Variants in TEX26 observed in about 807,000 individuals in gnomAD.
The protein encoded by TEX26 is testis-expressed protein 26.
A neutral mutation model predicts 35.3 loss-of-function variants in TEX26; 34 were observed. That is an observed-to-expected ratio of 0.96 (90% confidence interval 0.73 to 1.28). TEX26 has a LOEUF of 1.28. Ranked by LOEUF, TEX26 falls within the 50% of genes most tolerant of loss-of-function variation. The probability of loss-of-function intolerance (pLI) is 0.00; values close to 1 mark genes in which losing one functional copy is unlikely to be tolerated. For missense variants in TEX26, 371 were observed against 330.1 expected (o/e 1.12, Z -0.96); for synonymous variants, 136 against 111.8 (o/e 1.22, Z -1.36).
At chr13:30,943,740 T>G (rs1953600738) in intron 2 of TEX26, among the ~76,000 whole-genome samples, 3 of 152,130 alleles carry the variant, frequency 2.0e-5, no homozygotes, top group Non-Finnish European at 4.4e-5. Flanking sequence ...TTTTTGTTTT[T>G]TGATTCCGTT....
At chr13:30,939,953 C>G (rs1451463270) in intron 2 of TEX26, among the ~76,000 whole-genome samples, 175 bp downstream of exon 2, 5 of 152,172 alleles carry the variant, frequency 3.3e-5, no homozygotes, top group Admixed American at 3.3e-4. Flanking sequence ...CCCTTCCCCT[C>G]AAACAGTATC....
In TEX26 at chr13:30,966,242, T is replaced by A. The variant is rs999098875; in HGVS notation, c.490T>A (p.Ser164Thr). 1.2e-6 allele frequency: 2 copies of A among 1,613,842 alleles called. No homozygotes were observed. The highest frequency in any genetic ancestry group is 2.7e-5 in the African/African-American group (2 of 74,846). ...CCCAGCTCAGAAGATTAAGAAAAGTTCTCACTTGTCTCTGGAATGGAAAAA... is the reference window on the plus strand; with the variant it reads ...CCCAGCTCAGAAGATTAAGAAAAGTACTCACTTGTCTCTGGAATGGAAAAA... ...RSKAQKIKKSSHLSLEWKKLL... is the reference protein window; with the variant it reads ...RSKAQKIKKSTHLSLEWKKLL... Residue 164 changes from serine (S) to threonine (T), a missense_variant, in exon 5 of 7, where the codon TCT becomes ACT. Coordinates refer to ENST00000380473, the MANE Select transcript of TEX26 (RefSeq NM_152325.3).
At chr13:30,974,132 ATATAT>A (rs1261467370) in intron 6 of TEX26, among the ~76,000 whole-genome samples, 45 of 24,956 alleles carry the variant, frequency 1.8e-3, no homozygotes, top group Admixed American at 2.7e-3. Flanking sequence ...AAAAAAAAAA[ATATAT>A]ATATATATAT....
chr13:30,971,239 C>A (rs1954701567), intron 6 of TEX26, among the ~76,000 whole-genome samples: 1 of 152,206 alleles, frequency 6.6e-6, no homozygotes, highest in Non-Finnish European at 1.5e-5. Context: ...GGCACTGATG[C>A]TTTTCAGCTG....
At position 30,939,678 on chromosome 13, in the gene TEX26, T is replaced by C. The variant is rs1227809898; in HGVS notation, c.62-16T>C. ...TCTGGTTTGCCATATTTAAAACTGC[T>C]TTATTGTACTTTTAGCAGATGACCC... On this transcript the variant is annotated splice_polypyrimidine_tract_variant and intron_variant, in intron 1 of 6. Coordinates refer to ENST00000380473, the MANE Select transcript of TEX26 (RefSeq NM_152325.3). 3 of 1,607,032 alleles carry C rather than the reference T, an allele frequency of 1.9e-6. No homozygotes were observed. The highest frequency in any genetic ancestry group is 2.6e-6 in the Non-Finnish European group (3 of 1,173,734).
At chr13:30,941,163 G>T (rs1168732948) in intron 2 of TEX26, among the ~76,000 whole-genome samples, 2 of 152,112 alleles carry the variant, frequency 1.3e-5, no homozygotes, top group African/African-American at 4.8e-5. Context: ...GCTGTTCTGA[G>T]GACACAAAGC....
chr13:30,943,037 T>C (rs1384080358), intron 2 of TEX26, among the ~76,000 whole-genome samples: 1 of 152,124 alleles, frequency 6.6e-6, no homozygotes, highest in Admixed American at 6.6e-5. Context: ...ATGATGTTGG[T>C]ATTTTGATAA....
chr13:30,936,944 C>G, intron 1 of TEX26: 1 of 985,400 alleles, frequency 1.0e-6, no homozygotes, highest in Non-Finnish European at 1.2e-6. Flanking sequence ...CAATGGCATA[C>G]TGTACTTTCA....
intron 1 of TEX26, chr13:30,936,595 G>A (rs1953281051): frequency 1.3e-6 from 1 of 783,764 alleles, no homozygotes; most frequent in African/African-American, 1.9e-5. Context: ...TGACACATAG[G>A]ACATCAGCAC....
At chr13:30,937,820 T>C (rs558526305) in intron 1 of TEX26, among the ~76,000 whole-genome samples, 1 of 152,224 alleles carries the variant, frequency 6.6e-6, no homozygotes, top group South Asian at 2.1e-4. Flanking sequence ...GCACAGGTAA[T>C]AGTTGCAGAT....
intron 4 of TEX26, among the ~76,000 whole-genome samples, chr13:30,959,055 C>A (rs1410239245): frequency 6.6e-6 from 1 of 152,128 alleles, no homozygotes; most frequent in African/African-American, 2.4e-5. Flanking sequence ...GGATTTGAAC[C>A]CAGGCAGTCT....
chr13:30,974,262 T>A (rs1954813488), intron 6 of TEX26, among the ~76,000 whole-genome samples: 3 of 150,296 alleles, frequency 2.0e-5, no homozygotes, highest in African/African-American at 7.4e-5. Flanking sequence ...CTTCCCAAGG[T>A]CAAACAGTTA....
At chr13:30,971,197 A>G (rs1954699980) in intron 6 of TEX26, among the ~76,000 whole-genome samples, 1 of 152,240 alleles carries the variant, frequency 6.6e-6, no homozygotes, top group Non-Finnish European at 1.5e-5. Flanking sequence ...TCTTGTGCCC[A>G]AAACCTCTTG....
intron 2 of TEX26, among the ~76,000 whole-genome samples, chr13:30,949,121 C>A (rs1953828607): frequency 6.6e-6 from 1 of 152,044 alleles, no homozygotes; most frequent in African/African-American, 2.4e-5. Flanking sequence ...GGTACCAGTA[C>A]CATGGTGTTT....
intron 2 of TEX26, among the ~76,000 whole-genome samples, chr13:30,946,121 C>T (rs1414816665): frequency 2.0e-5 from 3 of 151,860 alleles, no homozygotes; most frequent in African/African-American, 7.2e-5. Context: ...TACATAATCC[C>T]ATATTTCTTG....
rs559843936 is a variant in TEX26, at chr13:30,975,397, T to C, written c.*490T>C. On this transcript the variant is annotated 3_prime_UTR_variant, in exon 7 of 7. Transcript: ENST00000380473. ...TTACGTGAATATGAGAAAAAAATTA[T>C]AGTTTATTGTATTTTTTAATCCCTT... The C allele has an allele frequency of 1.3e-5, 2 of 152,338 alleles. No individual in the cohort carries two copies. Among genetic ancestry groups the C allele is most frequent in the South Asian group, 2.1e-4 (1 of 4,828 alleles). 9.4% of individuals were successfully genotyped at this position (152,338 alleles called of 1,614,324 possible).
chr13:30,937,048 A>T (rs1953297575), intron 1 of TEX26: 1 of 953,710 alleles, frequency 1.0e-6, no homozygotes, highest in South Asian at 4.9e-5. Flanking sequence ...TTAAAGGAAG[A>T]TGTACCAAAG....
intron 4 of TEX26, 53 bp from the exon 5 acceptor site, chr13:30,966,169 G>A: frequency 2.5e-6 from 4 of 1,603,376 alleles, no homozygotes; most frequent in Non-Finnish European, 3.4e-6. Flanking sequence ...AGTGGGTTTA[G>A]CTACTTTGTT....
Position 30,960,918 on chromosome 13 carries a change from C to T in TEX26, c.469+3889C>T, listed in dbSNP as rs145821833. 9.3e-4 allele frequency among the ~76,000 whole-genome samples: 141 copies of T among 152,262 alleles called. 1 individual carries two copies. In the East Asian group the frequency reaches 0.026, roughly 28 times the overall value. On this transcript the variant is annotated intron_variant, in intron 4 of 6. Transcript: ENST00000380473. ...GCACACAAAATATTAAACTCCAAGGCTCAAAAACCTACAAAGGAGGTATCA... is the reference window on the plus strand; with the variant it reads ...GCACACAAAATATTAAACTCCAAGGTTCAAAAACCTACAAAGGAGGTATCA...
Sources: gnomAD v4.1 joint callset for allele counts (sites outside exome capture counted in the v4.1 genomes callset) on GRCh38, gnomAD v4.1.1 for gene constraint, MANE v1.5 for transcripts, NCBI Gene and HGNC (gene_info 2026-07-23, HGNC 2026-07-21) for gene names.